Variants in FARP1 observed in about 807,000 individuals in gnomAD.
FARP1 encodes the protein FERM, ARH/RhoGEF and pleckstrin domain protein 1, also known as FERM, ARHGEF and pleckstrin domain-containing protein 1.
In FARP1, 52 loss-of-function variants were observed where a neutral mutation model predicts 128.8. That is an observed-to-expected ratio of 0.40 (90% CI 0.32 to 0.51). FARP1 has a LOEUF of 0.51. FARP1 is among the 20% of genes least tolerant of loss of function. FARP1 has a pLI of 0.45. For synonymous variants in FARP1, 580 were observed against 551.8 expected, an observed-to-expected ratio of 1.05 and a Z score of -0.72; for missense variants, 1,333 against 1,367.9, an observed-to-expected ratio of 0.97 and a Z score of 0.40.
rs550350289 is a variant in FARP1, at chr13:98,279,891, C to CG, written c.172-63871_172-63870insG. Among the ~76,000 whole-genome samples, 6 of 150,420 alleles carry CG rather than the reference C, an allele frequency of 4.0e-5. No individual in the cohort carries two copies. In the East Asian group the frequency reaches 1.2e-3, roughly 29 times the overall value. On this transcript the variant is annotated intron_variant, in intron 2 of 26. Coordinates refer to ENST00000319562, the MANE Select transcript of FARP1 (RefSeq NM_005766.4). The stretch of plus-strand genomic sequence containing the variant: ...CTTGTGGCCCCGGTACCAGGCGACG[C>CG]CCCCCCTCTGTCTTCCGGGTCTCCC...
Position 98,247,896 on chromosome 13 carries a change from G to A in FARP1, c.171+34483G>A, listed in dbSNP as rs1046471676. ...CAGCTTCCAGCGATCCTTGTGAAGAGCTGTGTATTGAATGCTGGACACTTG... is the reference window on the plus strand; with the variant it reads ...CAGCTTCCAGCGATCCTTGTGAAGAACTGTGTATTGAATGCTGGACACTTG... On this transcript the variant is annotated intron_variant, in intron 2 of 26. Transcript: ENST00000319562. Among the ~76,000 whole-genome samples the A allele has an allele frequency of 4.6e-5, 7 of 152,244 alleles. 1 individual carries two copies. The highest frequency in any genetic ancestry group is 1.4e-4 in the African/African-American group (6 of 41,464).
intron 2 of FARP1, among the ~76,000 whole-genome samples, chr13:98,285,728 C>T (rs145353315): frequency 1.0e-3 from 156 of 152,318 alleles, no homozygotes; most frequent in African/African-American, 3.1e-3. Context: ...CAACTGCTTC[C>T]GCTGTTATTA....
chr13:98,277,743 A>G (rs1019845198), intron 2 of FARP1, among the ~76,000 whole-genome samples: 3 of 152,206 alleles, frequency 2.0e-5, no homozygotes, highest in Non-Finnish European at 2.9e-5. Flanking sequence ...CTCAAGAAAC[A>G]TGGTATTCAG....
chr13:98,302,104 T>A (rs1594376148), intron 2 of FARP1, among the ~76,000 whole-genome samples: 1 of 152,156 alleles, frequency 6.6e-6, no homozygotes, highest in African/African-American at 2.4e-5. Context: ...AAAGGAACTT[T>A]CCATGAATTG....
At chr13:98,216,756 G>A (rs778566956) in intron 2 of FARP1, among the ~76,000 whole-genome samples, 4 of 152,132 alleles carry the variant, frequency 2.6e-5, no homozygotes, top group African/African-American at 9.7e-5. Context: ...TTAGCTCCAC[G>A]ATCTTTTCCA....
intron 2 of FARP1, among the ~76,000 whole-genome samples, chr13:98,318,352 C>T (rs1379438763): frequency 4.6e-5 from 7 of 152,120 alleles, no homozygotes; most frequent in South Asian, 4.1e-4. Context: ...CCACCACTCC[C>T]GACTATCTCT....
intron 6 of FARP1, among the ~76,000 whole-genome samples, chr13:98,379,881 A>G (rs1442791052): frequency 6.6e-6 from 1 of 152,214 alleles, no homozygotes; most frequent in South Asian, 2.1e-4. Flanking sequence ...GAACCCACAG[A>G]TAGAGAGGGC....
Position 98,176,055 on chromosome 13 carries a change from A to G in FARP1, c.-24+32563A>G, listed in dbSNP as rs1594231643. ...ATACCTCTTTGAGATCCGGATTTCA[A>G]TTCTTTTGGTTACATACTCAGGCAT... On this transcript the variant is annotated intron_variant, in intron 1 of 26. Coordinates refer to ENST00000319562, the MANE Select transcript of FARP1 (RefSeq NM_005766.4). This position sits in a 1 kb window ranked among gnomAD's most constrained non-coding sequence, Gnocchi z 6.2. 3.0e-6 allele frequency: 3 copies of G among 1,013,664 alleles called. No individual in the cohort carries two copies. Among genetic ancestry groups the G allele is most frequent in the South Asian group, 2.9e-5 (2 of 69,882 alleles). The allele number at this position is 1,013,664 out of a possible 1,614,324, so 62.8% of individuals were successfully genotyped here.
intron 5 of FARP1, among the ~76,000 whole-genome samples, chr13:98,376,766 T>TG (rs1566932052): frequency 4.0e-5 from 6 of 150,468 alleles, no homozygotes; most frequent in South Asian, 4.2e-4. Context: ...TGTGTTTTTT[T>TG]TTTTTTTTTT....
intron 16 of FARP1, among the ~76,000 whole-genome samples, chr13:98,418,798 T>G (rs1222195166): frequency 6.6e-6 from 1 of 152,216 alleles, no homozygotes; most frequent in Non-Finnish European, 1.5e-5. Flanking sequence ...TCTCTTCTAC[T>G]GTATTTTAAT....
At chr13:98,361,759 C>G (rs1344342289) in intron 3 of FARP1, among the ~76,000 whole-genome samples, 1 of 152,180 alleles carries the variant, frequency 6.6e-6, no homozygotes, top group Non-Finnish European at 1.5e-5. Flanking sequence ...GTCCCTCTCA[C>G]AGATCGAAGG....
chr13:98,345,042 C>T (rs554079148), intron 3 of FARP1, among the ~76,000 whole-genome samples: 98 of 152,312 alleles, frequency 6.4e-4, no homozygotes, highest in African/African-American at 2.3e-3. Flanking sequence ...GGTTTCCATT[C>T]ACTAGGCACA....
chr13:98,369,016 C>T (rs1365523965), intron 5 of FARP1, among the ~76,000 whole-genome samples: 2 of 151,646 alleles, frequency 1.3e-5, no homozygotes, highest in Admixed American at 6.6e-5. Context: ...ACCTCTGCCT[C>T]CCGGATTCAA....
chr13:98,164,240 C>T (rs1877088097), intron 1 of FARP1, among the ~76,000 whole-genome samples: 1 of 152,156 alleles, frequency 6.6e-6, no homozygotes, highest in Non-Finnish European at 1.5e-5. Context: ...AATTTGCGGG[C>T]CACCTTGGTC....
chr13:98,322,901 C>G (rs975199198), intron 2 of FARP1, among the ~76,000 whole-genome samples: 7 of 152,108 alleles, frequency 4.6e-5, no homozygotes, highest in Admixed American at 3.9e-4. Context: ...TTCTCCAGAC[C>G]TTTTGGCAGA....
chr13:98,377,677 G>A, intron 5 of FARP1, 144 bp from the exon 6 acceptor site: 5 of 622,912 alleles, frequency 8.0e-6, no homozygotes, highest in Non-Finnish European at 1.4e-5. Flanking sequence ...ACACTGCAGT[G>A]AATGGCAGCT....
intron 2 of FARP1, among the ~76,000 whole-genome samples, chr13:98,339,539 T>C (rs1379872143): frequency 1.3e-5 from 2 of 152,152 alleles, no homozygotes; most frequent in African/African-American, 4.8e-5. Context: ...CATTGTCATG[T>C]AGTGGGTGCA....
At chr13:98,376,085 C>T (rs780797538) in intron 5 of FARP1, among the ~76,000 whole-genome samples, 2 of 152,104 alleles carry the variant, frequency 1.3e-5, no homozygotes, top group African/African-American at 2.4e-5. Context: ...TGTCTTGCTG[C>T]GGGGCAGGGG....
chr13:98,323,425 G>A (rs1887091698), intron 2 of FARP1, among the ~76,000 whole-genome samples: 1 of 150,370 alleles, frequency 6.7e-6, no homozygotes, highest in South Asian at 2.1e-4. Flanking sequence ...TGCTGGCTTC[G>A]GAGATGTGGT....
Sources: allele counts gnomAD v4.1 joint callset (sites outside exome capture counted in the v4.1 genomes callset), GRCh38; gene constraint gnomAD v4.1.1; non-coding constraint Gnocchi (gnomAD v3.1); transcripts MANE v1.5; gene names NCBI Gene and HGNC (gene_info 2026-07-23, HGNC 2026-07-21).